CEP63: variants seen among roughly 807,000 people sequenced by gnomAD.
The protein encoded by CEP63 is centrosomal protein of 63 kDa.
Under a neutral mutation model 89.1 loss-of-function variants are expected in CEP63, and 84 were observed. That is an observed-to-expected ratio of 0.94 (90% CI 0.79 to 1.13). CEP63 has a LOEUF of 1.13. Among genes scored for constraint, CEP63 ranks in the 50% most tolerant of loss-of-function variants. The probability of loss-of-function intolerance (pLI) is 0.00; values close to 1 mark genes in which losing one functional copy is unlikely to be tolerated. For synonymous variants in CEP63, 267 were observed against 272.5 expected, an observed-to-expected ratio of 0.98 and a Z score of 0.20; for missense variants, 838 against 813.3, an observed-to-expected ratio of 1.03 and a Z score of -0.37.
chr3:134,591,006 C>T (rs115752682), downstream of CEP63, among the ~76,000 whole-genome samples: 648 of 152,292 alleles, frequency 4.3e-3, 2 homozygotes, highest in Admixed American at 7.8e-3. Context: ...CTTCCTGGTT[C>T]CAAGCAGACC....
At chr3:134,601,333 A>G in the CEP63 span, among the ~76,000 whole-genome samples, 7 of 152,132 alleles carry the variant, frequency 4.6e-5, no homozygotes, top group South Asian at 4.2e-4. Context: ...GACAGCTCCT[A>G]TTTTGCTGGG....
chr3:134,561,415 C>T lies in CEP63; in HGVS notation c.1992C>T (p.Thr664=). 6.2e-7 allele frequency: 1 copy of T among 1,613,962 alleles called. No individual in the cohort carries two copies. Among genetic ancestry groups the T allele is most frequent in the South Asian group, 1.1e-5 (1 of 91,078 alleles). The change falls in exon 15 of 15, where the codon ACC becomes ACT. Residue 664 remains threonine (T), a synonymous_variant. Coordinates refer to ENST00000675561, the MANE Select transcript of CEP63 (RefSeq NM_001353108.3). ...LPVSPLGSIA[T]RFLEEEELRS... ...TATCTCCCCTTGGTTCAATAGCTAC[C>T]AGATTTTTGGAAGAGGAGGAACTGA... is the stretch of plus-strand genomic sequence containing the variant.
chr3:134,605,082 G>C, the CEP63 span, among the ~76,000 whole-genome samples: 1 of 152,088 alleles, frequency 6.6e-6, no homozygotes, highest in African/African-American at 2.4e-5. Flanking sequence ...TGAAGAGTCA[G>C]TGTGTGCACA....
rs1343900157 is a variant in CEP63 at position 134,558,556 on chromosome 3, G to T, written c.1673+209G>T. Reference sequence around the variant, plus strand: ...GCATTTTCATTAAAGCTTTAGTTTTGTACACTCTGGATATCAGTGTAAACA... The same window carrying T: ...GCATTTTCATTAAAGCTTTAGTTTTTTACACTCTGGATATCAGTGTAAACA... On this transcript the variant is annotated intron_variant, in intron 13 of 14. Transcript: ENST00000675561. Among the ~76,000 whole-genome samples the T allele has an allele frequency of 2.0e-5, 3 of 152,228 alleles. No individual in the cohort carries two copies. The East Asian group carries it at 5.8e-4, about 29-fold the overall frequency.
chr3:134,570,811 A>G (rs1178631487), intron 11 of CEP63, among the ~76,000 whole-genome samples: 1 of 152,242 alleles, frequency 6.6e-6, no homozygotes, highest in African/African-American at 2.4e-5. Flanking sequence ...GGCGATTTAC[A>G]GAAGAGGTGT....
At chr3:134,701,277 C>CATATACATATATATGTGT in the CEP63 span, among the ~76,000 whole-genome samples, 2 of 38,686 alleles carry the variant, frequency 5.2e-5, 1 homozygote, top group Non-Finnish European at 9.9e-5. Flanking sequence ...CATATACACA[C>CATATACATATATATGTGT]ATATATACGT....
chr3:134,620,130 G>T, the CEP63 span: 1 of 152,560 alleles, frequency 6.6e-6, no homozygotes, highest in East Asian at 1.9e-4. Flanking sequence ...GCGGCAAGGG[G>T]CAGCATCCCT....
chr3:134,551,234 A>C (rs544108762), intron 11 of CEP63, among the ~76,000 whole-genome samples: 2 of 152,318 alleles, frequency 1.3e-5, no homozygotes, highest in East Asian at 3.9e-4. Context: ...AGGATTAGGC[A>C]TTTAGCTGTG....
chr3:134,519,704 T>A (rs971761785), intron 3 of CEP63, among the ~76,000 whole-genome samples: 6 of 152,196 alleles, frequency 3.9e-5, no homozygotes, highest in Non-Finnish European at 7.4e-5. Flanking sequence ...AGTCAAAATA[T>A]TAACAAACTA....
intron 12 of CEP63, among the ~76,000 whole-genome samples, chr3:134,554,480 T>A (rs1161243615): frequency 6.8e-6 from 1 of 147,172 alleles, no homozygotes; most frequent in Non-Finnish European, 1.5e-5. Flanking sequence ...ACCCAGTCTA[T>A]CATTGTTGGA....
At chr3:134,547,618 T>A in intron 9 of CEP63, 146 bp downstream of exon 9, 1 of 242,022 alleles carries the variant, frequency 4.1e-6, no homozygotes, top group Non-Finnish European at 7.1e-6. Flanking sequence ...TTATTTCTTT[T>A]TTTTTTTTTT....
intron 2 of CEP63, among the ~76,000 whole-genome samples, chr3:134,495,813 A>C (rs1939667568): frequency 6.6e-6 from 1 of 152,182 alleles, no homozygotes; most frequent in Non-Finnish European, 1.5e-5. Context: ...CCCACATATG[A>C]ATGAGAACAT....
At chr3:134,755,013 G>C in the CEP63 span, among the ~76,000 whole-genome samples, 2 of 152,102 alleles carry the variant, frequency 1.3e-5, no homozygotes, top group African/African-American at 4.8e-5. Context: ...GTGGGTCCCT[G>C]GGCAGCTGGG....
intron 3 of CEP63, among the ~76,000 whole-genome samples, chr3:134,513,855 G>A (rs1008748375): frequency 6.6e-6 from 1 of 152,120 alleles, no homozygotes; most frequent in Non-Finnish European, 1.5e-5. Context: ...AAGTGCTAGG[G>A]CTTCCAGGAA....
chr3:134,712,572 T>C, the CEP63 span, among the ~76,000 whole-genome samples: 1 of 152,190 alleles, frequency 6.6e-6, no homozygotes, highest in African/African-American at 2.4e-5. Context: ...TTTAAGTATT[T>C]ATTCAAAAAA....
chr3:134,579,810 A>G (rs1384425941), downstream of CEP63, among the ~76,000 whole-genome samples: 2 of 152,256 alleles, frequency 1.3e-5, no homozygotes, highest in Non-Finnish European at 2.9e-5. Flanking sequence ...ATCAACTGGT[A>G]AATGAATAAA....
the CEP63 span, among the ~76,000 whole-genome samples, chr3:134,752,007 C>G: frequency 1.3e-5 from 2 of 152,154 alleles, no homozygotes; most frequent in Admixed American, 6.5e-5. Context: ...GCTTTCCTCA[C>G]TACTCCCCTG....
the CEP63 span, among the ~76,000 whole-genome samples, chr3:134,695,531 C>T: frequency 3.9e-5 from 6 of 152,286 alleles, no homozygotes; most frequent in African/African-American, 7.2e-5. Context: ...TGTGAGCAGA[C>T]GGAGATGGAT....
the CEP63 span, chr3:134,608,048 GC>G: frequency 9.3e-7 from 1 of 1,070,620 alleles, no homozygotes. Flanking sequence ...AAGGAAGTCT[GC>G]CCCAACTCTC....
Sources: gnomAD v4.1 joint callset for allele counts (sites outside exome capture counted in the v4.1 genomes callset) on GRCh38, gnomAD v4.1.1 for gene constraint, MANE v1.5 for transcripts, NCBI Gene and HGNC (gene_info 2026-07-23, HGNC 2026-07-21) for gene names.